Variants in STS observed in about 807,000 individuals in gnomAD.
STS encodes steroid sulfatase.
STS carries 7 observed loss-of-function variants against 26.8 expected under a neutral mutation model. That is an observed-to-expected ratio of 0.26 (90% CI 0.15 to 0.49). The LOEUF (loss-of-function observed/expected upper bound fraction) is 0.49. Among genes scored for constraint, STS ranks in the 20% least tolerant of loss-of-function variants. The pLI, the probability that STS is intolerant of heterozygous loss-of-function variation, is 0.98. For missense variants in STS, 434 were observed against 465.6 expected, an observed-to-expected ratio of 0.93 and a Z score of 0.63; for synonymous variants, 199 against 189.4, an observed-to-expected ratio of 1.05 and a Z score of -0.42.
At chrX:7,296,610 G>T (rs755546251) in intron 7 of STS, among the ~76,000 whole-genome samples, 1 of 112,330 alleles carries the variant, frequency 8.9e-6, no homozygotes, top group Non-Finnish European at 1.9e-5. Flanking sequence ...CAATGACTTT[G>T]TTCTTCCCCG....
chrX:7,327,996 C>T (rs1248157188), intron 9 of STS, among the ~76,000 whole-genome samples: 1 of 111,769 alleles, frequency 8.9e-6, no homozygotes, highest in Non-Finnish European at 1.9e-5. Context: ...AGATCTCCTA[C>T]TCCAGTCAAA....
chrX:7,148,985 T>G (rs1335116433), intron 1 of STS, among the ~76,000 whole-genome samples: 2 of 111,855 alleles, frequency 1.8e-5, no homozygotes, highest in Admixed American at 1.9e-4. Context: ...AAAAAAATAC[T>G]TTTTTGTCCC....
intron 2 of STS, among the ~76,000 whole-genome samples, chrX:7,237,565 G>A (rs968821038): frequency 2.7e-5 from 3 of 112,416 alleles, no homozygotes; most frequent in Non-Finnish European, 5.6e-5. Context: ...ATTGTATGTT[G>A]TGATGGTTAA....
chrX:7,160,501 A>G (rs775859469), intron 1 of STS, among the ~76,000 whole-genome samples: 1 of 112,605 alleles, frequency 8.9e-6, no homozygotes, highest in East Asian at 2.8e-4. Flanking sequence ...CAAGCTTGGT[A>G]TAAAGAATAC....
chrX:7,283,507 T>C (rs1193633143), intron 7 of STS, among the ~76,000 whole-genome samples: 1 of 111,942 alleles, frequency 8.9e-6, no homozygotes, highest in Non-Finnish European at 1.9e-5. Context: ...TGAGGTTGGA[T>C]ATTTCTTTCA....
intron 2 of STS, among the ~76,000 whole-genome samples, chrX:7,200,370 T>A (rs1478916694): frequency 9.0e-6 from 1 of 111,437 alleles, no homozygotes; most frequent in East Asian, 2.8e-4. Context: ...CTCTAGACTC[T>A]CAAATTTCAA....
intron 6 of STS, among the ~76,000 whole-genome samples, chrX:7,261,929 C>T (rs963045715): frequency 1.8e-5 from 2 of 111,501 alleles, no homozygotes; most frequent in Non-Finnish European, 1.9e-5. Context: ...TAGTTCACAC[C>T]GCCTCTCAGT....
chrX:7,219,491 G>C (rs1260012973), intron 2 of STS: 5 of 1,129,238 alleles, frequency 4.4e-6, no homozygotes, highest in Non-Finnish European at 5.8e-6. Context: ...CAGCTGACGG[G>C]ACCCAGCTGT....
At chrX:7,315,423 G>T (rs1413383760) in intron 8 of STS, among the ~76,000 whole-genome samples, 1 of 111,804 alleles carries the variant, frequency 8.9e-6, no homozygotes, top group Non-Finnish European at 1.9e-5. Context: ...GGGTGTGGGG[G>T]CTGTATTAGT....
chrX:7,279,308 T>G (rs1924702297), intron 7 of STS, among the ~76,000 whole-genome samples: 1 of 58,493 alleles, frequency 1.7e-5, no homozygotes, highest in Non-Finnish European at 3.5e-5. Context: ...TATATATATA[T>G]ATATGTGTGT....
intron 2 of STS, among the ~76,000 whole-genome samples, chrX:7,206,139 T>C (rs1209308899): frequency 2.7e-5 from 3 of 112,189 alleles, no homozygotes; most frequent in Non-Finnish European, 5.6e-5. Flanking sequence ...GCCTGTTCAA[T>C]ACTGAGATTC....
intron 8 of STS, among the ~76,000 whole-genome samples, chrX:7,320,260 A>G (rs1926964196): frequency 9.5e-6 from 1 of 105,650 alleles, no homozygotes; most frequent in Admixed American, 1.1e-4. Flanking sequence ...TATATTTTTC[A>G]CCCAGCTATC....
intron 1 of STS, among the ~76,000 whole-genome samples, chrX:7,187,591 T>C (rs1317107570): frequency 8.9e-6 from 1 of 112,190 alleles, no homozygotes; most frequent in Non-Finnish European, 1.9e-5. Flanking sequence ...CTGTTGAACA[T>C]AGGATGCCTT....
chrX:7,194,066 G>A (rs1416125819), intron 2 of STS, among the ~76,000 whole-genome samples: 4 of 110,772 alleles, frequency 3.6e-5, no homozygotes, highest in South Asian at 3.9e-4. Flanking sequence ...CACCACGCCC[G>A]GCTAATTTTT....
intron 8 of STS, among the ~76,000 whole-genome samples, chrX:7,322,130 G>A (rs1261555173): frequency 1.8e-5 from 2 of 112,660 alleles, no homozygotes; most frequent in Non-Finnish European, 3.8e-5. Flanking sequence ...CTGGATGGTT[G>A]ATGCTTTTAC....
intron 2 of STS, among the ~76,000 whole-genome samples, chrX:7,227,359 A>G (rs1365626081): frequency 9.0e-6 from 1 of 111,603 alleles, no homozygotes; most frequent in East Asian, 2.8e-4. Flanking sequence ...AGCATCTAAA[A>G]AAACCAATCA....
chrX:7,260,020 C>T (rs182792435), intron 6 of STS, among the ~76,000 whole-genome samples: 1 of 111,371 alleles, frequency 9.0e-6, no homozygotes, highest in African/African-American at 3.3e-5. Context: ...GAACTATAGG[C>T]GCCCGCCACC....
intron 7 of STS, among the ~76,000 whole-genome samples, chrX:7,277,948 C>T: frequency 8.9e-6 from 1 of 112,197 alleles, no homozygotes; most frequent in Non-Finnish European, 1.9e-5. Flanking sequence ...TTTCTGTTGG[C>T]TAGCAAGCAA....
rs1267475356 is a variant in STS at position 7,346,104 on chromosome X, A to G, written c.1364-3784A>G. On this transcript the variant is annotated intron_variant, in intron 10 of 10. Transcript: ENST00000674429. ...GTTCACAGCTTAGTTTATTTTTAATAAGATAGCTGTTTTAGGATCCTATGT... is the reference window on the plus strand; with the variant it reads ...GTTCACAGCTTAGTTTATTTTTAATGAGATAGCTGTTTTAGGATCCTATGT... 2.7e-5 allele frequency among the ~76,000 whole-genome samples: 3 copies of G among 112,027 alleles called. No homozygotes were observed. In the East Asian group the frequency reaches 8.4e-4, roughly 31 times the overall value.
Sources: gnomAD v4.1 joint callset for allele counts (sites outside exome capture counted in the v4.1 genomes callset) on GRCh38, gnomAD v4.1.1 for gene constraint, MANE v1.5 for transcripts, NCBI Gene and HGNC (gene_info 2026-07-23, HGNC 2026-07-21) for gene names.